Variants in FBXL5 observed in about 807,000 individuals in gnomAD.
The protein encoded by FBXL5 is F-box/LRR-repeat protein 5.
FBXL5 carries 26 observed loss-of-function variants against 78.3 expected under a neutral mutation model. The ratio of observed to expected loss-of-function variants is 0.33; its 90% CI spans 0.24 to 0.46. The LOEUF (loss-of-function observed/expected upper bound fraction) is 0.46, where lower values mean the gene tolerates loss of function less well. Among genes scored for constraint, FBXL5 ranks in the 20% least tolerant of loss-of-function variants. FBXL5 has a pLI of 1.00. For synonymous variants in FBXL5, 295 were observed against 282.5 expected (o/e 1.04, Z -0.45); for missense variants, 710 against 829.2 (o/e 0.86, Z 1.77).
upstream of FBXL5, among the ~76,000 whole-genome samples, chr4:15,655,656 G>A (rs1003615932): frequency 6.6e-6 from 1 of 152,204 alleles, no homozygotes; most frequent in African/African-American, 2.4e-5. Flanking sequence ...CGCTTCTCCC[G>A]TTGCTGCCCT....
At chr4:15,637,549 A>C (rs1714413261) in intron 4 of FBXL5, among the ~76,000 whole-genome samples, 1 of 152,202 alleles carries the variant, frequency 6.6e-6, no homozygotes, top group Non-Finnish European at 1.5e-5. Context: ...TATTTTAAAT[A>C]TAATACAGCT....
upstream of FBXL5, chr4:15,656,140 T>C (rs1577498486): frequency 6.6e-6 from 3 of 454,004 alleles, no homozygotes; most frequent in African/African-American, 2.0e-5. Context: ...GGGAGAAGGG[T>C]GAATAATGGA....
chr4:15,633,951 G>A (rs1394587963), intron 5 of FBXL5, among the ~76,000 whole-genome samples: 2 of 152,024 alleles, frequency 1.3e-5, no homozygotes, highest in Non-Finnish European at 2.9e-5. Context: ...TCTCAACCTT[G>A]ACAATACTGA....
intron 1 of FBXL5, among the ~76,000 whole-genome samples, chr4:15,646,445 C>A: frequency 6.8e-6 from 1 of 146,744 alleles, no homozygotes. Context: ...CAAACACTAT[C>A]ATGTATCATT....
intron 10 of FBXL5, among the ~76,000 whole-genome samples, chr4:15,608,508 A>G (rs1192337174): frequency 6.6e-6 from 1 of 151,708 alleles, no homozygotes; most frequent in Non-Finnish European, 1.5e-5. Context: ...ACCTACTGTC[A>G]GCATCTCCTT....
intron 1 of FBXL5, among the ~76,000 whole-genome samples, chr4:15,645,576 C>T (rs1005852640): frequency 6.6e-6 from 1 of 151,948 alleles, no homozygotes; most frequent in Non-Finnish European, 1.5e-5. Context: ...TACAGGTGCT[C>T]GCCACCACGC....
intron 6 of FBXL5, among the ~76,000 whole-genome samples, chr4:15,630,006 C>T (rs1454381144): frequency 2.0e-5 from 3 of 152,108 alleles, no homozygotes; most frequent in Admixed American, 2.0e-4. Flanking sequence ...CCTCACACTT[C>T]CAAATAGCAT....
chr4:15,619,429 T>G (rs1447510262), intron 9 of FBXL5, among the ~76,000 whole-genome samples: 4 of 151,906 alleles, frequency 2.6e-5, no homozygotes. Flanking sequence ...AGGAAAAAAA[T>G]GATCATCTCA....
intron 10 of FBXL5, among the ~76,000 whole-genome samples, chr4:15,606,094 G>C (rs908657597): frequency 6.6e-5 from 10 of 152,050 alleles, no homozygotes; most frequent in African/African-American, 2.4e-4. Flanking sequence ...ATCCACAGAA[G>C]CAAGATTGCC....
chr4:15,635,121 C>T (rs1263687933), intron 5 of FBXL5, among the ~76,000 whole-genome samples: 2 of 152,086 alleles, frequency 1.3e-5, no homozygotes, highest in Non-Finnish European at 2.9e-5. Context: ...CACCTGAGGT[C>T]AGGAGTTCAA....
At chr4:15,635,116 G>A (rs1714110306) in intron 5 of FBXL5, among the ~76,000 whole-genome samples, 1 of 152,146 alleles carries the variant, frequency 6.6e-6, no homozygotes, top group Admixed American at 6.5e-5. Flanking sequence ...TGGATCACCT[G>A]AGGTCAGGAG....
chr4:15,649,994 G>A (rs1440924068), intron 1 of FBXL5, among the ~76,000 whole-genome samples: 1 of 152,084 alleles, frequency 6.6e-6, no homozygotes, highest in African/African-American at 2.4e-5. Context: ...TCAGATACAA[G>A]AGAGTAAATT....
At chr4:15,642,640 T>C (rs1715011144) in intron 2 of FBXL5, among the ~76,000 whole-genome samples, 1 of 152,234 alleles carries the variant, frequency 6.6e-6, no homozygotes, top group Non-Finnish European at 1.5e-5. Flanking sequence ...TTCAGTCTAA[T>C]GTCCTGTTCT....
chr4:15,645,849 T>C (rs1715297701), intron 1 of FBXL5, among the ~76,000 whole-genome samples: 1 of 152,238 alleles, frequency 6.6e-6, no homozygotes, highest in African/African-American at 2.4e-5. Flanking sequence ...TAAATATTCA[T>C]TTTTTATAAA....
chr4:15,630,452 TAA>T (rs1713510047), intron 6 of FBXL5, among the ~76,000 whole-genome samples: 1 of 152,198 alleles, frequency 6.6e-6, no homozygotes, highest in Admixed American at 6.5e-5. Context: ...GATTTTAATA[TAA>T]AAACGAGAAA....
chr4:15,647,995 C>A (rs996580441), intron 1 of FBXL5, among the ~76,000 whole-genome samples: 1 of 152,166 alleles, frequency 6.6e-6, no homozygotes, highest in Non-Finnish European at 1.5e-5. Flanking sequence ...ATAGCTGGAA[C>A]TACAGGTGTG....
upstream of FBXL5, among the ~76,000 whole-genome samples, chr4:15,655,673 C>T (rs1338024766): frequency 6.6e-6 from 1 of 152,232 alleles, no homozygotes; most frequent in Non-Finnish European, 1.5e-5. Context: ...CCCTGCCCAC[C>T]ACGGCCTTGA....
chr4:15,630,520 C>T, intron 6 of FBXL5, 146 bp downstream of exon 6: 3 of 609,922 alleles, frequency 4.9e-6, no homozygotes, highest in South Asian at 4.7e-5. Flanking sequence ...ATTATTATTC[C>T]TTCAAATTTT....
chr4:15,640,759 C>G, intron 3 of FBXL5, 29 bp downstream of exon 3: 2 of 1,221,922 alleles, frequency 1.6e-6, no homozygotes, highest in South Asian at 2.7e-5. Flanking sequence ...TGTTATAAAT[C>G]TAAATCACGA....
Sources: gnomAD v4.1 joint callset for allele counts (sites outside exome capture counted in the v4.1 genomes callset) on GRCh38, gnomAD v4.1.1 for gene constraint, MANE v1.5 for transcripts, NCBI Gene and HGNC (gene_info 2026-07-23, HGNC 2026-07-21) for gene names.